The following CXCL12 variants were observed in gnomAD, a reference collection of about 807,000 sequenced individuals.
CXCL12 encodes the protein stromal cell-derived factor 1.
A neutral mutation model predicts 10.7 loss-of-function variants in CXCL12; 4 were observed. The ratio of observed to expected loss-of-function variants is 0.37; its 90% confidence interval spans 0.18 to 0.86. The LOEUF (loss-of-function observed/expected upper bound fraction) is 0.86, where lower values mean the gene tolerates loss of function less well. Ranked by LOEUF, CXCL12 falls within the 40% of genes least tolerant of loss-of-function variation. The pLI is 0.43. For synonymous variants in CXCL12, 54 were observed against 45.4 expected (o/e 1.19, Z -0.77); for missense variants, 122 against 110.4 (o/e 1.10, Z -0.47).
chr10:44,375,384 T>C (rs746399514), downstream of CXCL12, among the ~76,000 whole-genome samples: 9 of 152,184 alleles, frequency 5.9e-5, no homozygotes, highest in East Asian at 1.9e-4. Flanking sequence ...GCAATGGGTA[T>C]TTGGAAAAAG....
chr10:44,373,524 G>A (rs1285074317), downstream of CXCL12, among the ~76,000 whole-genome samples: 2 of 152,238 alleles, frequency 1.3e-5, no homozygotes, highest in Non-Finnish European at 1.5e-5. Flanking sequence ...AGTGCGAGAC[G>A]CAGCCAGGCT....
chr10:44,377,343 G>T lies in CXCL12; in HGVS notation c.*1290C>A. 1 of 1,049,460 alleles carries T rather than the reference G, an allele frequency of 9.5e-7. No homozygotes were observed. The highest frequency in any genetic ancestry group is 1.2e-6 in the Non-Finnish European group (1 of 868,622). 65.0% of individuals were successfully genotyped at this position (1,049,460 alleles called of 1,614,324 possible). On this transcript the variant is annotated 3_prime_UTR_variant, in exon 3 of 3. Coordinates refer to ENST00000343575, the MANE Select transcript of CXCL12 (RefSeq NM_199168.4). ...TCATATGGCTCCACTTCAAATATAT[G>T]AATTGTTCGACTATAAATATATTTT...
chr10:44,380,541 C>T (rs754818407), intron 2 of CXCL12: 38 of 546,274 alleles, frequency 7.0e-5, no homozygotes, highest in Non-Finnish European at 1.1e-4. Context: ...AGAACTACTA[C>T]GAGCACAGCA....
Position 44,380,817 on chromosome 10 carries a change from G to T in CXCL12, c.125C>A (p.Ala42Asp). 6.2e-7 allele frequency: 1 copy of T among 1,614,210 alleles called. No individual in the cohort carries two copies. Among genetic ancestry groups the T allele is most frequent in the Non-Finnish European group, 8.5e-7 (1 of 1,180,032 alleles). Residue 42 changes from alanine to aspartate, a missense_variant, in exon 2 of 3, where the codon GCC (alanine) becomes GAC (aspartate). Physicochemically the swap from Ala to Asp is moderately radical, Grantham distance 126. Transcript: ENST00000343575. ...CRFFESHVAR[A>D]NVKHLKILNT... Reference sequence around the variant, plus strand: ...GAGAATTTTGAGATGCTTGACGTTGGCTCTGGCAACATGGCTTTCGAAGAA... The same window carrying T: ...GAGAATTTTGAGATGCTTGACGTTGTCTCTGGCAACATGGCTTTCGAAGAA...
downstream of CXCL12, chr10:44,375,868 G>A: frequency 6.2e-7 from 1 of 1,604,216 alleles, no homozygotes; most frequent in Non-Finnish European, 8.5e-7. Flanking sequence ...GTCTGTCCTG[G>A]AGGAGGATCG....
At chr10:44,372,919 A>AC (rs1195089310), downstream of CXCL12, 7 of 1,534,914 alleles carry the variant, frequency 4.6e-6, no homozygotes, top group African/African-American at 9.6e-5. Context: ...TGGTCCTGGC[A>AC]CCCCCAGGCG....
chr10:44,378,217 G>C lies in CXCL12; in HGVS notation c.*416C>G. The C allele has an allele frequency of 6.9e-7, 1 of 1,449,864 alleles. No individual in the cohort carries two copies. The highest frequency in any genetic ancestry group is 9.2e-7 in the Non-Finnish European group (1 of 1,091,486). 89.8% of individuals were successfully genotyped at this position (1,449,864 alleles called of 1,614,324 possible). On this transcript the variant is annotated 3_prime_UTR_variant, in exon 3 of 3. Coordinates refer to ENST00000343575, the MANE Select transcript of CXCL12 (RefSeq NM_199168.4). ...CACCTGACTGTGCCCAGACTCCCCA[G>C]GGGAGCAGAGGAGATGCTCCAAACA...
At position 44,380,976 on chromosome 10, in the gene CXCL12, A is replaced by C. The variant is rs1839613148; in HGVS notation, c.62-96T>G. On this transcript the variant is annotated intron_variant, in intron 1 of 2. Transcript: ENST00000343575. ...GCAGTTGGTGCAGCGATTAAGGATCAAGAGACGGCATCACTGGGGTAAGTT... is the reference window on the plus strand; with the variant it reads ...GCAGTTGGTGCAGCGATTAAGGATCCAGAGACGGCATCACTGGGGTAAGTT... 4.1e-6 allele frequency: 4 copies of C among 968,100 alleles called. No homozygotes were observed. The Admixed American group carries it at 6.8e-5, about 16-fold the overall frequency. The allele number at this position is 968,100 out of a possible 1,614,324, so 60.0% of individuals were successfully genotyped here.
chr10:44,383,645 C>A (rs1459820733), intron 1 of CXCL12, among the ~76,000 whole-genome samples: 1 of 144,858 alleles, frequency 6.9e-6, no homozygotes, highest in Non-Finnish European at 1.5e-5. Flanking sequence ...GACACAGCCT[C>A]AGGGACTTTT....
At chr10:44,375,079 G>A (rs17880793), downstream of CXCL12, among the ~76,000 whole-genome samples, 1,069 of 152,332 alleles carry the variant, frequency 7.0e-3, 12 homozygotes, top group African/African-American at 0.024. Context: ...CCATCACGCA[G>A]GAGGCGGGAG....
chr10:44,373,280 T>C (rs1299971817), downstream of CXCL12: 13 of 1,593,010 alleles, frequency 8.2e-6, no homozygotes, highest in Admixed American at 2.1e-4. Context: ...TAACACTGGT[T>C]TCAGAGCTGG....
rs1839612822 is a variant in CXCL12, at chr10:44,380,972, G to A, written c.62-92C>T. Reference sequence around the variant, plus strand: ...TGCAGCAGTTGGTGCAGCGATTAAGGATCAAGAGACGGCATCACTGGGGTA... The same window carrying A: ...TGCAGCAGTTGGTGCAGCGATTAAGAATCAAGAGACGGCATCACTGGGGTA... On this transcript the variant is annotated intron_variant, in intron 1 of 2. Transcript: ENST00000343575. The A allele has an allele frequency of 1.7e-5, 17 of 1,020,058 alleles. No homozygotes were observed. In the East Asian group the frequency reaches 2.1e-4, roughly 13 times the overall value. 63.2% of individuals were successfully genotyped at this position (1,020,058 alleles called of 1,614,324 possible).
downstream of CXCL12, chr10:44,374,574 C>T (rs1340553859): frequency 4.4e-6 from 2 of 455,922 alleles, no homozygotes; most frequent in Non-Finnish European, 8.8e-6. Context: ...CAGCGGGAAA[C>T]AAAGGTCTTT....
At chr10:44,382,803 C>CAG (rs1250499763) in intron 1 of CXCL12, among the ~76,000 whole-genome samples, 1 of 152,220 alleles carries the variant, frequency 6.6e-6, no homozygotes, top group Admixed American at 6.5e-5. Context: ...TTTAAAGTGA[C>CAG]AGAGCCCCCA....
Position 44,378,111 on chromosome 10 carries a change from C to T in CXCL12, c.*522G>A. The T allele has an allele frequency of 6.9e-7, 1 of 1,445,476 alleles. No homozygotes were observed. Among genetic ancestry groups the T allele is most frequent in the South Asian group, 1.5e-5 (1 of 68,370 alleles). The allele number at this position is 1,445,476 out of a possible 1,614,324, so 89.5% of individuals were successfully genotyped here. A position where few individuals can be genotyped will look rare whatever the true frequency, so the allele number is the denominator to read the frequency against. On this transcript the variant is annotated 3_prime_UTR_variant, in exon 3 of 3. Coordinates refer to ENST00000343575, the MANE Select transcript of CXCL12 (RefSeq NM_199168.4). ...AGTCGGTATCTGAGTGCCACAGAGGCCTTCCTCTTGGGAGGGGCGCTGCTG... is the reference window on the plus strand; with the variant it reads ...AGTCGGTATCTGAGTGCCACAGAGGTCTTCCTCTTGGGAGGGGCGCTGCTG...
intron 1 of CXCL12, among the ~76,000 whole-genome samples, chr10:44,383,640 A>T (rs1408295387): frequency 7.3e-6 from 1 of 136,340 alleles, no homozygotes; most frequent in Non-Finnish European, 1.5e-5. Context: ...GTGCAGACAC[A>T]GCCTCAGGGA....
At chr10:44,373,300 G>A (rs1326610308), downstream of CXCL12, 2 of 1,603,374 alleles carry the variant, frequency 1.2e-6, no homozygotes, top group Non-Finnish European at 1.7e-6. Context: ...GGCTCCTACT[G>A]TAAGGGTTCC....
downstream of CXCL12, among the ~76,000 whole-genome samples, chr10:44,375,691 C>T (rs557607126): frequency 4.6e-5 from 7 of 152,346 alleles, no homozygotes; most frequent in East Asian, 7.7e-4. Context: ...ACACAGGCTC[C>T]GCGTCACAGA....
At position 44,377,841 on chromosome 10, in the gene CXCL12, G is replaced by T. The variant is rs868618139; in HGVS notation, c.*792C>A. ...CGAGCTGTGGGGCAGGCCCTGGGAG[G>T]AGAGGGATGCAGGGCACGAGCCCCA... On this transcript the variant is annotated 3_prime_UTR_variant, in exon 3 of 3. Transcript: ENST00000343575. 1 of 1,594,238 alleles carries T rather than the reference G, an allele frequency of 6.3e-7. No homozygotes were observed. Among genetic ancestry groups the T allele is most frequent in the Non-Finnish European group, 8.5e-7 (1 of 1,178,064 alleles).
Sources: gnomAD v4.1 joint callset for allele counts (sites outside exome capture counted in the v4.1 genomes callset) on GRCh38, gnomAD v4.1.1 for gene constraint, MANE v1.5 for transcripts, NCBI Gene and HGNC (gene_info 2026-07-23, HGNC 2026-07-21) for gene names.